The following DGKI variants were observed in gnomAD, a reference collection of about 807,000 sequenced individuals.
DGKI encodes diacylglycerol kinase iota.
A neutral mutation model predicts 147.5 loss-of-function variants in DGKI; 55 were observed. The ratio of observed to expected loss-of-function variants is 0.37; its 90% CI spans 0.30 to 0.47. The LOEUF (loss-of-function observed/expected upper bound fraction) is 0.47. DGKI is among the 20% of genes least tolerant of loss of function. The probability of loss-of-function intolerance (pLI) is 1.00; values close to 1 mark genes in which losing one functional copy is unlikely to be tolerated. For synonymous variants in DGKI, 469 were observed against 477.1 expected (o/e 0.98, Z 0.22); for missense variants, 1,007 against 1,323.8 (o/e 0.76, Z 3.71).
chr7:137,453,402 G>A (rs1814054430), intron 27 of DGKI, among the ~76,000 whole-genome samples: 1 of 152,044 alleles, frequency 6.6e-6, no homozygotes, highest in Admixed American at 6.6e-5. Flanking sequence ...TCTCTAATTA[G>A]GTAAAATAGG....
Position 137,597,870 on chromosome 7 carries a change from G to A in DGKI, c.1288C>T (p.Leu430=). 6.2e-7 allele frequency: 1 copy of A among 1,613,946 alleles called. No individual in the cohort carries two copies. Among genetic ancestry groups the A allele is most frequent in the Non-Finnish European group, 8.5e-7 (1 of 1,179,908 alleles). The change falls in exon 12 of 33, where the codon CTG becomes TTG. Residue 430 remains leucine (L), a synonymous_variant. Transcript: ENST00000614521. ...LYRKVPNLRI[L]ACGGDGTVGW... is the part of the protein sequence containing the mutation. ...ACCGTTCCATCCCCACCACAGGCCA[G>A]AATTCGCAGATTTGGTACTTTCCTA... is the stretch of plus-strand genomic sequence containing the variant.
chr7:137,816,703 A>T (rs1017909337), intron 1 of DGKI, among the ~76,000 whole-genome samples: 2 of 152,252 alleles, frequency 1.3e-5, no homozygotes, highest in Non-Finnish European at 2.9e-5. Flanking sequence ...ATAAAGACAA[A>T]AAACATTGTT....
At chr7:137,534,326 A>T (rs1318019210) in intron 20 of DGKI, among the ~76,000 whole-genome samples, 1 of 152,026 alleles carries the variant, frequency 6.6e-6, no homozygotes, top group African/African-American at 2.4e-5. Flanking sequence ...CGGTCCAAAA[A>T]TATTTAGGTT....
At chr7:137,806,584 C>G (rs1429713367) in intron 1 of DGKI, among the ~76,000 whole-genome samples, 1 of 152,140 alleles carries the variant, frequency 6.6e-6, no homozygotes, top group Non-Finnish European at 1.5e-5. Context: ...CAGGCACCTG[C>G]CAACACGCCC....
rs1176297126 is a variant in DGKI, at chr7:137,797,735, G to A, written c.401+48727C>T. On this transcript the variant is annotated intron_variant, in intron 1 of 32. Coordinates refer to ENST00000614521, the MANE Select transcript of DGKI (RefSeq NM_001321708.2). ...TAGATGTTTAACACAAAAGAAGACAGTAATGAAAGAATGGAGAAAAAATAT... is the reference window on the plus strand; with the variant it reads ...TAGATGTTTAACACAAAAGAAGACAATAATGAAAGAATGGAGAAAAAATAT... 5.3e-5 allele frequency among the ~76,000 whole-genome samples: 8 copies of A among 151,900 alleles called. No homozygotes were observed. In the East Asian group the frequency reaches 1.5e-3, roughly 29 times the overall value.
rs551391427 is a variant in DGKI, at chr7:137,441,114, G to A, written c.2761+2963C>T. On this transcript the variant is annotated intron_variant, in intron 28 of 32. Coordinates refer to ENST00000614521, the MANE Select transcript of DGKI (RefSeq NM_001321708.2). The stretch of plus-strand genomic sequence containing the variant: ...TGCTAGCGAATAATACTATGTTTGG[G>A]GTGCTTTTAACAAATCAGAAAGTGG... Among the ~76,000 whole-genome samples, 8 of 152,154 alleles carry A rather than the reference G, an allele frequency of 5.3e-5. No homozygotes were observed. In the East Asian group the frequency reaches 1.5e-3, roughly 29 times the overall value.
At chr7:137,537,618 T>C (rs1393112488) in intron 20 of DGKI, among the ~76,000 whole-genome samples, 1 of 152,160 alleles carries the variant, frequency 6.6e-6, no homozygotes, top group Non-Finnish European at 1.5e-5. Flanking sequence ...CCAGGAGGTA[T>C]GATTCAAAAA....
Position 137,532,627 on chromosome 7 carries a change from A to G in DGKI, c.2148-10661T>C, listed in dbSNP as rs541360967. On this transcript the variant is annotated intron_variant, in intron 20 of 32. Transcript: ENST00000614521. Reference sequence around the variant, plus strand: ...ACAGTTGGTGGGAACTTCAGCTCCTATTAGTAGCTCAGATGTGTTCCCACC... The same window carrying G: ...ACAGTTGGTGGGAACTTCAGCTCCTGTTAGTAGCTCAGATGTGTTCCCACC... Among the ~76,000 whole-genome samples, 26 of 152,258 alleles carry G rather than the reference A, an allele frequency of 1.7e-4. No homozygotes were observed. The South Asian group carries it at 5.2e-3, about 30-fold the overall frequency.
chr7:137,504,379 C>G (rs6957428), intron 21 of DGKI, among the ~76,000 whole-genome samples: 4,961 of 152,206 alleles, frequency 0.033, 223 homozygotes, highest in East Asian at 0.11. Context: ...ATTATAAGAA[C>G]GTGTGATACC....
At chr7:137,485,701 G>C (rs1480465062) in intron 22 of DGKI, among the ~76,000 whole-genome samples, 1 of 152,096 alleles carries the variant, frequency 6.6e-6, no homozygotes, top group African/African-American at 2.4e-5. Flanking sequence ...CTATAGAGGA[G>C]ACCAGAAGTA....
At position 137,458,499 on chromosome 7, in the gene DGKI, C is replaced by T. The variant is rs1023290524; in HGVS notation, c.2735+4990G>A. Among the ~76,000 whole-genome samples the T allele has an allele frequency of 7.2e-5, 11 of 152,188 alleles. No homozygotes were observed. In the East Asian group the frequency reaches 1.7e-3, roughly 24 times the overall value. ...CTTTCAGTCATTTGGGGGTTTCTTA[C>T]GAACTACAAAATCTAAGAACCGGAA... On this transcript the variant is annotated intron_variant, in intron 27 of 32. Transcript: ENST00000614521.
intron 1 of DGKI, among the ~76,000 whole-genome samples, chr7:137,706,234 C>T (rs1291142262): frequency 2.0e-5 from 3 of 151,750 alleles, no homozygotes; most frequent in African/African-American, 4.8e-5. Flanking sequence ...CTTACAGGGC[C>T]TTTTTACCCA....
At chr7:137,745,056 C>G (rs1795283614) in intron 1 of DGKI, among the ~76,000 whole-genome samples, 1 of 151,978 alleles carries the variant, frequency 6.6e-6, no homozygotes, top group Non-Finnish European at 1.5e-5. Flanking sequence ...ACGCAATATA[C>G]CCATGTAACA....
At chr7:137,619,476 G>A (rs1373552208) in intron 8 of DGKI, among the ~76,000 whole-genome samples, 3 of 152,164 alleles carry the variant, frequency 2.0e-5, no homozygotes, top group African/African-American at 7.2e-5. Flanking sequence ...GAATGCCCAG[G>A]CTGGAAGAGA....
chr7:137,664,361 G>C (rs1177987159), intron 3 of DGKI, among the ~76,000 whole-genome samples: 3 of 115,448 alleles, frequency 2.6e-5, no homozygotes, highest in Non-Finnish European at 1.7e-5. Flanking sequence ...CTGGGTGACA[G>C]AGCAAGACTC....
At position 137,472,371 on chromosome 7, in the gene DGKI, T is replaced by A. The variant is rs1426296872; in HGVS notation, c.2374-2752A>T. Among the ~76,000 whole-genome samples, 242 of 28,524 alleles carry A rather than the reference T, an allele frequency of 8.5e-3. 14 individuals carry two copies. The highest frequency in any genetic ancestry group is 0.023 in the African/African-American group (172 of 7,564). The allele number at this position is 28,524 out of a possible 152,430, so 18.7% of individuals were successfully genotyped here. On this transcript the variant is annotated intron_variant, in intron 23 of 32. Transcript: ENST00000614521. ...TATTATATGTATATATACATATAAT[T>A]ATTATATGTATATATACATATTATA...
chr7:137,519,538 A>G (rs1445103041), intron 21 of DGKI, among the ~76,000 whole-genome samples: 1 of 152,100 alleles, frequency 6.6e-6, no homozygotes, highest in Non-Finnish European at 1.5e-5. Flanking sequence ...AGGTCAGAGT[A>G]CATTCCTAGA....
intron 20 of DGKI, among the ~76,000 whole-genome samples, chr7:137,544,106 T>C (rs1363919074): frequency 1.3e-5 from 2 of 152,146 alleles, no homozygotes; most frequent in Non-Finnish European, 2.9e-5. Flanking sequence ...GAAACAAGTA[T>C]GGACAATTTA....
chr7:137,420,064 G>A (rs1237359121), intron 28 of DGKI, among the ~76,000 whole-genome samples: 4 of 152,232 alleles, frequency 2.6e-5, no homozygotes, highest in Non-Finnish European at 5.9e-5. Context: ...GAAAGATCCA[G>A]TTCAAATATG....
Sources: allele counts gnomAD v4.1 joint callset (sites outside exome capture counted in the v4.1 genomes callset), GRCh38; gene constraint gnomAD v4.1.1; transcripts MANE v1.5; gene names NCBI Gene and HGNC (gene_info 2026-07-23, HGNC 2026-07-21).